Variants in ARHGAP10 observed in about 807,000 individuals in gnomAD.
ARHGAP10 encodes rho GTPase-activating protein 10.
Under a neutral mutation model 108.6 loss-of-function variants are expected in ARHGAP10, and 87 were observed. The ratio of observed to expected loss-of-function variants is 0.80; its 90% CI spans 0.67 to 0.96. ARHGAP10 has a LOEUF of 0.96. ARHGAP10 is among the 40% of genes least tolerant of loss of function. ARHGAP10 has a pLI of 0.00. For missense variants in ARHGAP10, 939 were observed against 954.5 expected (o/e 0.98, Z 0.21); for synonymous variants, 347 against 341.1 (o/e 1.02, Z -0.19).
At chr4:147,929,831 T>A (rs918474452) in intron 13 of ARHGAP10, among the ~76,000 whole-genome samples, 5 of 152,182 alleles carry the variant, frequency 3.3e-5, no homozygotes, top group African/African-American at 9.7e-5. Context: ...TCTAAAATAA[T>A]GATTAATATT....
chr4:147,895,393 C>T (rs1735951077), intron 10 of ARHGAP10, among the ~76,000 whole-genome samples: 1 of 150,624 alleles, frequency 6.6e-6, no homozygotes, highest in African/African-American at 2.4e-5. Context: ...GCCTTAGGGC[C>T]AGGCATGGTG....
chr4:147,931,476 T>C (rs1482806654), intron 13 of ARHGAP10, among the ~76,000 whole-genome samples: 3 of 152,226 alleles, frequency 2.0e-5, no homozygotes, highest in South Asian at 4.1e-4. Context: ...TAAATTGTGA[T>C]GTCCATTTTG....
chr4:147,804,159 T>C (rs1731689141), intron 1 of ARHGAP10, among the ~76,000 whole-genome samples: 1 of 152,104 alleles, frequency 6.6e-6, no homozygotes, highest in African/African-American at 2.4e-5. Flanking sequence ...CCTCCTACCC[T>C]CCACCCTCAA....
At chr4:147,892,169 A>G (rs1735816404) in intron 10 of ARHGAP10, among the ~76,000 whole-genome samples, 1 of 151,610 alleles carries the variant, frequency 6.6e-6, no homozygotes, top group African/African-American at 2.4e-5. Flanking sequence ...ACTTATTTAT[A>G]TTTTTATGTT....
intron 18 of ARHGAP10, among the ~76,000 whole-genome samples, chr4:148,003,264 A>G (rs1246551477): frequency 1.3e-5 from 2 of 152,160 alleles, no homozygotes; most frequent in Non-Finnish European, 2.9e-5. Flanking sequence ...GTTTGCTTGC[A>G]CTGTGGTCTG....
intron 11 of ARHGAP10, among the ~76,000 whole-genome samples, chr4:147,908,979 G>A (rs982827478): frequency 2.6e-5 from 4 of 152,138 alleles, no homozygotes; most frequent in African/African-American, 9.7e-5. Context: ...CTATCTGCCT[G>A]AAGTTAGTGT....
chr4:147,746,850 G>A (rs1012929778), intron 1 of ARHGAP10, among the ~76,000 whole-genome samples: 1 of 152,130 alleles, frequency 6.6e-6, no homozygotes, highest in African/African-American at 2.4e-5. Context: ...TCAACTGATG[G>A]ATTTATTTTC....
At chr4:147,847,605 C>T (rs1384035260) in intron 4 of ARHGAP10, among the ~76,000 whole-genome samples, 2 of 152,186 alleles carry the variant, frequency 1.3e-5, no homozygotes, top group Non-Finnish European at 1.5e-5. Context: ...CGCTGCCACA[C>T]TGTGATGCCG....
chr4:147,772,505 T>C (rs1730122964), intron 1 of ARHGAP10, among the ~76,000 whole-genome samples: 1 of 152,270 alleles, frequency 6.6e-6, no homozygotes, highest in Non-Finnish European at 1.5e-5. Flanking sequence ...ATTGACTTAA[T>C]GTTCTAGCTC....
At chr4:148,065,920 A>G (rs933944646) in intron 22 of ARHGAP10, among the ~76,000 whole-genome samples, 42 of 142,242 alleles carry the variant, frequency 3.0e-4, no homozygotes, top group Non-Finnish European at 4.5e-5. Flanking sequence ...CTGAGGCAGG[A>G]GGATCACTTG....
intron 20 of ARHGAP10, among the ~76,000 whole-genome samples, chr4:148,050,396 T>C (rs2149682547): frequency 7.2e-6 from 1 of 139,564 alleles, no homozygotes; most frequent in East Asian, 2.1e-4. Flanking sequence ...TTTTTTAAGA[T>C]GTAGTCTCGC....
chr4:147,742,230 C>T (rs1728708639), intron 1 of ARHGAP10, among the ~76,000 whole-genome samples: 1 of 151,984 alleles, frequency 6.6e-6, no homozygotes, highest in Non-Finnish European at 1.5e-5. Flanking sequence ...TGACTTTGGG[C>T]AAGTTATTTA....
chr4:147,835,630 T>G (rs533845166), intron 3 of ARHGAP10, among the ~76,000 whole-genome samples: 1 of 152,314 alleles, frequency 6.6e-6, no homozygotes, highest in African/African-American at 2.4e-5. Flanking sequence ...CGCCTTGGCC[T>G]CCCAAAGTGC....
At chr4:147,783,531 TTATG>T (rs1730656419) in intron 1 of ARHGAP10, among the ~76,000 whole-genome samples, 1 of 148,186 alleles carries the variant, frequency 6.7e-6, no homozygotes, top group Non-Finnish European at 1.5e-5. Flanking sequence ...ACACATTAAA[TTATG>T]TATTGTATAA....
intron 22 of ARHGAP10, among the ~76,000 whole-genome samples, chr4:148,071,649 A>C (rs1170445887): frequency 1.3e-5 from 2 of 149,690 alleles, no homozygotes; most frequent in African/African-American, 4.9e-5. Flanking sequence ...AAAAAAAAAC[A>C]CAAAAAGCTT....
intron 13 of ARHGAP10, among the ~76,000 whole-genome samples, chr4:147,932,446 T>A (rs1737743275): frequency 6.6e-6 from 1 of 152,214 alleles, no homozygotes; most frequent in Non-Finnish European, 1.5e-5. Context: ...GCCGTACATG[T>A]AATATACCAT....
At chr4:148,041,424 A>C (rs925373599) in intron 19 of ARHGAP10, among the ~76,000 whole-genome samples, 1 of 152,272 alleles carries the variant, frequency 6.6e-6, no homozygotes, top group Non-Finnish European at 1.5e-5. Flanking sequence ...GGAAGCCCAA[A>C]GCTTTATTCC....
At chr4:148,066,370 A>G (rs933526548) in intron 22 of ARHGAP10, among the ~76,000 whole-genome samples, 15 of 152,236 alleles carry the variant, frequency 9.9e-5, no homozygotes, top group African/African-American at 3.6e-4. Flanking sequence ...CACACGGGGT[A>G]TAGGATACCT....
intron 16 of ARHGAP10, among the ~76,000 whole-genome samples, chr4:147,963,779 A>C (rs1181813188): frequency 6.6e-6 from 1 of 152,112 alleles, no homozygotes; most frequent in Non-Finnish European, 1.5e-5. Flanking sequence ...CTTGCCACTC[A>C]CAGCTTCTGG....
Sources: gnomAD v4.1 joint callset for allele counts (sites outside exome capture counted in the v4.1 genomes callset) on GRCh38, gnomAD v4.1.1 for gene constraint, MANE v1.5 for transcripts, NCBI Gene and HGNC (gene_info 2026-07-23, HGNC 2026-07-21) for gene names.